The following FGFR1OP2 variants were observed in gnomAD, a reference collection of about 807,000 sequenced individuals.
FGFR1OP2 encodes the protein FGFR1 oncogene partner 2.
Under a neutral mutation model 35.2 loss-of-function variants are expected in FGFR1OP2, and 17 were observed. That is an observed-to-expected ratio of 0.48 (90% CI 0.33 to 0.73). The LOEUF is 0.73. Among genes scored for constraint, FGFR1OP2 ranks in the 30% least tolerant of loss-of-function variants. FGFR1OP2 has a pLI of 0.02. For missense variants in FGFR1OP2, 251 were observed against 307.3 expected, an observed-to-expected ratio of 0.82 and a Z score of 1.37; for synonymous variants, 105 against 104.6, an observed-to-expected ratio of 1.00 and a Z score of -0.03.
intron 1 of FGFR1OP2, among the ~76,000 whole-genome samples, chr12:26,953,385 G>A (rs185919362): frequency 6.6e-6 from 1 of 151,742 alleles, no homozygotes; most frequent in South Asian, 2.1e-4. Context: ...TTTGTTTGAG[G>A]TTTCTACATA....
intron 1 of FGFR1OP2, among the ~76,000 whole-genome samples, chr12:26,948,480 T>C (rs1938864652): frequency 6.6e-6 from 1 of 152,276 alleles, no homozygotes; most frequent in Admixed American, 6.5e-5. Context: ...TACTTTTTAC[T>C]GGCCTTCATT....
intron 5 of FGFR1OP2, 116 bp downstream of exon 5, chr12:26,960,744 T>G: frequency 1.4e-6 from 2 of 1,411,316 alleles, no homozygotes; most frequent in Non-Finnish European, 1.9e-6. Flanking sequence ...TGAAATTTAT[T>G]AAAAGAATGT....
At chr12:26,950,213 G>GTTTTTTTTTGTTTTTTTT (rs1938899684) in intron 1 of FGFR1OP2, among the ~76,000 whole-genome samples, 1 of 50,934 alleles carries the variant, frequency 2.0e-5, no homozygotes, top group Non-Finnish European at 3.4e-5. Context: ...TGTATTCGTT[G>GTTTTTTTTTGTTTTTTTT]TTTTTTTTTT....
intron 1 of FGFR1OP2, among the ~76,000 whole-genome samples, chr12:26,950,215 T>TG (rs1408297477): frequency 1.0e-4 from 10 of 97,204 alleles, no homozygotes; most frequent in African/African-American, 1.3e-4. Flanking sequence ...TATTCGTTGT[T>TG]TTTTTTTTTT....
intron 1 of FGFR1OP2, among the ~76,000 whole-genome samples, chr12:26,941,431 C>A (rs1010631846): frequency 6.6e-6 from 1 of 152,110 alleles, no homozygotes; most frequent in Admixed American, 6.5e-5. Context: ...AATGAACATG[C>A]AAATTCTTAG....
At chr12:26,953,580 T>G (rs1296328028) in intron 1 of FGFR1OP2, 1 of 152,232 alleles carries the variant, frequency 6.6e-6, no homozygotes, top group African/African-American at 2.4e-5. Flanking sequence ...ATAATGCAAC[T>G]TTATGTAAGA....
chr12:26,959,265 T>A (rs2136359187), intron 4 of FGFR1OP2, among the ~76,000 whole-genome samples: 1 of 152,216 alleles, frequency 6.6e-6, no homozygotes, highest in East Asian at 1.9e-4. Context: ...TAAGTGGTGA[T>A]CTTTTGAATA....
chr12:26,947,804 G>A (rs368572518), intron 1 of FGFR1OP2, among the ~76,000 whole-genome samples: 37 of 151,992 alleles, frequency 2.4e-4, no homozygotes, highest in African/African-American at 8.7e-4. Context: ...TATAAATGTC[G>A]AGGACATTTA....
Position 26,960,570 on chromosome 12 carries a change from A to T in FGFR1OP2, c.452A>T (p.His151Leu), listed in dbSNP as rs1939089972. ...SEGFFLDASRHILEAPQHGLE... is the reference protein window; with the variant it reads ...SEGFFLDASRLILEAPQHGLE... ...GGATTCTTCCTTGATGCATCTCGAC[A>T]CATCCTTGAAGCACCTCAACATGGA... The change falls in exon 5 of 7, where the codon CAC becomes CTC. Residue 151 changes from histidine to leucine, a missense_variant. Transcript: ENST00000229395. The T allele has an allele frequency of 6.2e-7, 1 of 1,613,588 alleles. No homozygotes were observed. Among genetic ancestry groups the T allele is most frequent in the Non-Finnish European group, 8.5e-7 (1 of 1,179,788 alleles).
At chr12:26,939,490 C>T (rs1402640276) in intron 1 of FGFR1OP2, among the ~76,000 whole-genome samples, 6 of 152,200 alleles carry the variant, frequency 3.9e-5, no homozygotes, top group Admixed American at 2.6e-4. Context: ...CCATACAAGA[C>T]TATACTGGCT....
intron 4 of FGFR1OP2, among the ~76,000 whole-genome samples, chr12:26,959,092 T>A (rs1280467797): frequency 2.0e-5 from 3 of 152,156 alleles, no homozygotes; most frequent in Non-Finnish European, 4.4e-5. Flanking sequence ...TAGAATTAAA[T>A]ACCTATCAAA....
chr12:26,958,632 AT>A (rs1002191871), intron 4 of FGFR1OP2, among the ~76,000 whole-genome samples: 27 of 152,252 alleles, frequency 1.8e-4, no homozygotes, highest in African/African-American at 6.5e-4. Context: ...AGTTGACATC[AT>A]TTTTTAGAAA....
At chr12:26,961,493 T>C (rs1056576624) in intron 5 of FGFR1OP2, 21 of 152,208 alleles carry the variant, frequency 1.4e-4, no homozygotes, top group African/African-American at 4.8e-4. Flanking sequence ...ATGCCTGTAA[T>C]TGGGAGGCTG....
chr12:26,964,499 T>C (rs1438212674), intron 6 of FGFR1OP2, 97 bp from the exon 7 acceptor site: 1 of 1,373,700 alleles, frequency 7.3e-7, no homozygotes, highest in East Asian at 2.3e-5. Context: ...GCTTGTTTGT[T>C]ATACCTTCAT....
At chr12:26,939,269 C>T (rs1938663193) in intron 1 of FGFR1OP2, among the ~76,000 whole-genome samples, 1 of 151,886 alleles carries the variant, frequency 6.6e-6, no homozygotes, top group African/African-American at 2.4e-5. Flanking sequence ...TGCGGTTGCC[C>T]CCTCTGCCCC....
intron 1 of FGFR1OP2, among the ~76,000 whole-genome samples, chr12:26,947,836 T>C (rs1442922746): frequency 6.6e-6 from 1 of 152,212 alleles, no homozygotes; most frequent in Non-Finnish European, 1.5e-5. Flanking sequence ...ATTATTAACA[T>C]GTTTGGATTT....
intron 1 of FGFR1OP2, among the ~76,000 whole-genome samples, chr12:26,949,968 A>G (rs1374604553): frequency 6.6e-6 from 1 of 151,952 alleles, no homozygotes; most frequent in African/African-American, 2.4e-5. Context: ...GATGGTCACA[A>G]TGGTTCTTTT....
At chr12:26,952,989 A>G (rs750278289) in intron 1 of FGFR1OP2, among the ~76,000 whole-genome samples, 3 of 152,032 alleles carry the variant, frequency 2.0e-5, no homozygotes, top group African/African-American at 4.8e-5. Context: ...TCAGCTGGGC[A>G]CGGTGGCTCA....
At chr12:26,956,745 T>C (rs1259014765) in intron 3 of FGFR1OP2, 85 bp downstream of exon 3, 1 of 606,754 alleles carries the variant, frequency 1.6e-6, no homozygotes, top group East Asian at 4.0e-5. Flanking sequence ...CTGTCCCACA[T>C]ATGAACATCT....
Sources: gnomAD v4.1 joint callset for allele counts (sites outside exome capture counted in the v4.1 genomes callset) on GRCh38, gnomAD v4.1.1 for gene constraint, MANE v1.5 for transcripts, NCBI Gene and HGNC (gene_info 2026-07-23, HGNC 2026-07-21) for gene names.